Variants in PDZRN3 observed in about 807,000 individuals in gnomAD.
PDZRN3 encodes the protein E3 ubiquitin-protein ligase PDZRN3.
Under a neutral mutation model 85.7 loss-of-function variants are expected in PDZRN3, and 38 were observed. The observed-to-expected ratio is 0.44, with a 90% CI of 0.34 to 0.58. The LOEUF is 0.58. Ranked by LOEUF, PDZRN3 falls within the 20% of genes least tolerant of loss-of-function variation. The pLI is 0.01. For synonymous variants in PDZRN3, 759 were observed against 638.0 expected, an observed-to-expected ratio of 1.19 and a Z score of -2.86; for missense variants, 1,629 against 1,506.4, an observed-to-expected ratio of 1.08 and a Z score of -1.35.
intron 3 of PDZRN3, among the ~76,000 whole-genome samples, chr3:73,546,468 T>G (rs1053639249): frequency 1.3e-5 from 2 of 152,342 alleles, no homozygotes; most frequent in Non-Finnish European, 2.9e-5. Context: ...CTTGTTCATT[T>G]TGAGAAATAA....
At chr3:73,433,495 A>G in intron 3 of PDZRN3, 1 of 601,748 alleles carries the variant, frequency 1.7e-6, no homozygotes, top group East Asian at 2.8e-5. Flanking sequence ...GAGAAAATAC[A>G]CAAAAAAGTC....
rs537170832 is a variant in PDZRN3 at position 73,384,615 on chromosome 3, C to T, written c.1951G>A (p.Glu651Lys). The T allele has an allele frequency of 3.1e-6, 5 of 1,613,864 alleles. No individual in the cohort carries two copies. The highest frequency in any genetic ancestry group is 2.2e-5 in the East Asian group (1 of 44,844). Residue 651 changes from glutamate (E) to lysine (K), a missense_variant, in exon 10 of 10, where the codon GAG (glutamate) becomes AAG (lysine). Coordinates refer to ENST00000263666, the MANE Select transcript of PDZRN3 (RefSeq NM_015009.3). ...GCGCTCTTCACCTGGCACTTGAGCT[C>T]CAGGAGCTCGCGGAAGCGCTCGCAC... Reference protein sequence around the residue: ...DECERFRELLELKCQVKSATP... With the variant: ...DECERFRELLKLKCQVKSATP...
chr3:73,482,100 ACT>A (rs1483370840), intron 3 of PDZRN3, among the ~76,000 whole-genome samples: 1 of 152,182 alleles, frequency 6.6e-6, no homozygotes, highest in African/African-American at 2.4e-5. Flanking sequence ...CCATGGGTGG[ACT>A]CTGAGGATAA....
At chr3:73,420,407 C>G (rs546243098) in intron 3 of PDZRN3, among the ~76,000 whole-genome samples, 6 of 152,172 alleles carry the variant, frequency 3.9e-5, no homozygotes, top group Non-Finnish European at 7.3e-5. Context: ...AGTGGATGCC[C>G]CTACTTGGCA....
intron 3 of PDZRN3, among the ~76,000 whole-genome samples, chr3:73,415,459 A>G (rs1009397183): frequency 1.3e-5 from 2 of 152,144 alleles, no homozygotes; most frequent in African/African-American, 4.8e-5. Flanking sequence ...TTTATTTTCT[A>G]TTGTTTATAC....
intron 1 of PDZRN3, among the ~76,000 whole-genome samples, chr3:73,611,498 T>C (rs1702684818): frequency 6.6e-6 from 1 of 152,254 alleles, no homozygotes; most frequent in African/African-American, 2.4e-5. Flanking sequence ...TCTATAAGCA[T>C]CTTGATCTAG....
intron 3 of PDZRN3, among the ~76,000 whole-genome samples, chr3:73,412,004 C>G (rs771120820): frequency 6.6e-6 from 1 of 152,326 alleles, no homozygotes; most frequent in Non-Finnish European, 1.5e-5. Flanking sequence ...CAGAGGGCAT[C>G]TGCGCATCTG....
At chr3:73,485,835 A>G (rs948892735) in intron 3 of PDZRN3, among the ~76,000 whole-genome samples, 4 of 152,228 alleles carry the variant, frequency 2.6e-5, no homozygotes, top group African/African-American at 9.6e-5. Flanking sequence ...GTTCATAAAG[A>G]AATTTGGAAA....
intron 8 of PDZRN3, among the ~76,000 whole-genome samples, chr3:73,386,487 C>T (rs953448447): frequency 2.0e-5 from 3 of 152,142 alleles, no homozygotes; most frequent in African/African-American, 7.2e-5. Context: ...AGCCACTGAG[C>T]CTGGCTGGAT....
intron 3 of PDZRN3, among the ~76,000 whole-genome samples, chr3:73,470,578 C>A (rs1703316664): frequency 6.6e-6 from 1 of 152,182 alleles, no homozygotes; most frequent in East Asian, 1.9e-4. Flanking sequence ...TCCCCCACCC[C>A]ACTTACTGCC....
chr3:73,473,703 C>T (rs1373132982), intron 3 of PDZRN3, among the ~76,000 whole-genome samples: 3 of 152,194 alleles, frequency 2.0e-5, no homozygotes, highest in Non-Finnish European at 4.4e-5. Flanking sequence ...AGAAGTTAGG[C>T]ACTCACTCTG....
At chr3:73,548,400 T>C (rs1438894690) in intron 3 of PDZRN3, among the ~76,000 whole-genome samples, 2 of 152,244 alleles carry the variant, frequency 1.3e-5, no homozygotes, top group Non-Finnish European at 2.9e-5. Flanking sequence ...GCAGGCAGCA[T>C]GTCCCTGAGA....
rs546536677 is a variant in PDZRN3 at position 73,617,857 on chromosome 3, C to T, written c.723+6246G>A. Among the ~76,000 whole-genome samples, 493 of 152,290 alleles carry T rather than the reference C, an allele frequency of 3.2e-3. 3 individuals carry two copies. The highest frequency in any genetic ancestry group is 0.011 in the African/African-American group (467 of 41,550). ...AGTAGCTGGGACTACAGGTGTGCAC[C>T]AGCACACCTGGCTAATTTTTGTATT... On this transcript the variant is annotated intron_variant, in intron 1 of 9. Coordinates refer to ENST00000263666, the MANE Select transcript of PDZRN3 (RefSeq NM_015009.3).
chr3:73,446,627 T>C lies in PDZRN3; in HGVS notation c.919-42232A>G, dbSNP rs140804255. On this transcript the variant is annotated intron_variant, in intron 3 of 9. Transcript: ENST00000263666. ...ACACTTTCTTATCTGCCTGACTCTCTGTACAAGGATTCAGTTGCTGGCGGG... is the reference window on the plus strand; with the variant it reads ...ACACTTTCTTATCTGCCTGACTCTCCGTACAAGGATTCAGTTGCTGGCGGG... Among the ~76,000 whole-genome samples, 473 of 152,278 alleles carry C rather than the reference T, an allele frequency of 3.1e-3. 2 individuals are homozygous for C. Among genetic ancestry groups the C allele is most frequent in the Middle Eastern group, 6.8e-3 (2 of 294 alleles).
intron 3 of PDZRN3, among the ~76,000 whole-genome samples, chr3:73,471,574 C>T (rs542174707): frequency 5.3e-5 from 8 of 152,262 alleles, no homozygotes; most frequent in Admixed American, 1.3e-4. Context: ...GTCTTGGAGC[C>T]GGGCCATGTC....
At chr3:73,468,509 T>C (rs1355794511) in intron 3 of PDZRN3, among the ~76,000 whole-genome samples, 1 of 151,996 alleles carries the variant, frequency 6.6e-6, no homozygotes, top group Non-Finnish European at 1.5e-5. Context: ...TACATGTCTA[T>C]GGAAAAACCA....
intron 2 of PDZRN3, among the ~76,000 whole-genome samples, chr3:73,603,872 CACACACACACACAT>C (rs957411294): frequency 2.1e-5 from 2 of 94,446 alleles, no homozygotes; most frequent in African/African-American, 6.6e-5. Context: ...CTTCCCCAAA[CACACACACACACAT>C]ACACACACAC....
rs192946463 is a variant in PDZRN3, at chr3:73,599,147, C to T, written c.918+3207G>A. Among the ~76,000 whole-genome samples the T allele has an allele frequency of 3.7e-3, 566 of 152,222 alleles. 6 individuals carry two copies. Among genetic ancestry groups the T allele is most frequent in the African/African-American group, 0.013 (536 of 41,516 alleles). On this transcript the variant is annotated intron_variant, in intron 3 of 9. Coordinates refer to ENST00000263666, the MANE Select transcript of PDZRN3 (RefSeq NM_015009.3). ...GTTTAAACATACACACATTGTACAC[C>T]CACATCCACAGCAGCATTATTCAAG...
chr3:73,384,215 T>G lies in PDZRN3; in HGVS notation c.2351A>C (p.Glu784Ala). The G allele has an allele frequency of 6.2e-7, 1 of 1,613,792 alleles. No homozygotes were observed. Among genetic ancestry groups the G allele is most frequent in the Non-Finnish European group, 8.5e-7 (1 of 1,180,022 alleles). The part of the protein sequence containing the change: ...SPDNSLRRAA[E>A]GISCPSSEGA... The stretch of plus-strand genomic sequence containing the variant: ...TTCGCTGCTCGGGCAGCTGATGCCC[T>G]CCGCCGCTCTCCTCAAGGAGTTGTC... Residue 784 changes from glutamate to alanine, a missense_variant, in exon 10 of 10, where the codon GAG (glutamate) becomes GCG (alanine). Coordinates refer to ENST00000263666, the MANE Select transcript of PDZRN3 (RefSeq NM_015009.3).
Sources: gnomAD v4.1 joint callset for allele counts (sites outside exome capture counted in the v4.1 genomes callset) on GRCh38, gnomAD v4.1.1 for gene constraint, MANE v1.5 for transcripts, NCBI Gene and HGNC (gene_info 2026-07-23, HGNC 2026-07-21) for gene names.